Variants in ZFX observed in about 807,000 individuals in gnomAD.
The protein encoded by ZFX is zinc finger X-chromosomal protein.
For synonymous variants in ZFX, 196 were observed against 226.8 expected, an observed-to-expected ratio of 0.86 and a Z score of 1.22; for missense variants, 362 against 628.3, an observed-to-expected ratio of 0.58 and a Z score of 4.53.
intron 4 of ZFX, among the ~76,000 whole-genome samples, chrX:24,174,456 T>C (rs1236093592): frequency 9.6e-6 from 1 of 104,539 alleles, no homozygotes; most frequent in African/African-American, 3.5e-5. Context: ...TGCAGTGGCA[T>C]GATCTCGGCT....
chrX:24,157,540 T>A (rs1932861220), intron 3 of ZFX, among the ~76,000 whole-genome samples: 1 of 112,327 alleles, frequency 8.9e-6, no homozygotes, highest in African/African-American at 3.2e-5. Flanking sequence ...TGTGCATTGC[T>A]GTATTGTTAT....
In ZFX at chrX:24,212,770, A is replaced by AAACTT. The variant is rs1182014752; in HGVS notation, c.*1398_*1402dup. 12 of 112,955 alleles carry AAACTT rather than the reference A, an allele frequency of 1.1e-4. 1 individual carries two copies. The highest frequency in any genetic ancestry group is 2.8e-4 in the Admixed American group (3 of 10,647). The allele number at this position is 112,955 out of a possible 1,213,427, so 9.3% of individuals were successfully genotyped here. ...CTCAGTTACAGTTAGCAAACTTTAAAAACTTAACACTCAAGTTGGCTTTGA... is the reference window on the plus strand; with the variant it reads ...CTCAGTTACAGTTAGCAAACTTTAAAAACTTAACTTAACACTCAAGTTGGCTTTGA... On this transcript the variant is annotated 3_prime_UTR_variant, in exon 10 of 10. Coordinates refer to ENST00000304543, the MANE Select transcript of ZFX (RefSeq NM_003410.4).
chrX:24,156,575 T>C (rs1932797725), intron 3 of ZFX, among the ~76,000 whole-genome samples: 1 of 111,620 alleles, frequency 9.0e-6, no homozygotes, highest in Non-Finnish European at 1.9e-5. Flanking sequence ...TTCCCACATA[T>C]GTATCTGTTT....
chrX:24,213,762 G>T lies in ZFX; in HGVS notation c.*2386G>T, dbSNP rs769649604. Reference sequence around the variant, plus strand: ...CCTGCGATTCTTGAAAGCTCTGTCTGTTTTTTTGTGAGAACCTTTAAAATC... The same window carrying T: ...CCTGCGATTCTTGAAAGCTCTGTCTTTTTTTTTGTGAGAACCTTTAAAATC... On this transcript the variant is annotated 3_prime_UTR_variant, in exon 10 of 10. Coordinates refer to ENST00000304543, the MANE Select transcript of ZFX (RefSeq NM_003410.4). 1.0e-5 allele frequency: 1 copy of T among 99,558 alleles called. No homozygotes were observed. The highest frequency in any genetic ancestry group is 4.6e-4 in the South Asian group (1 of 2,182). 8.2% of individuals were successfully genotyped at this position (99,558 alleles called of 1,213,427 possible).
At chrX:24,163,434 A>G (rs1487715402) in intron 3 of ZFX, among the ~76,000 whole-genome samples, 17 of 81,325 alleles carry the variant, frequency 2.1e-4, no homozygotes, top group African/African-American at 7.5e-4. Flanking sequence ...CTGGAGTGCA[A>G]TGGCGCGATC....
At chrX:24,158,834 A>G in intron 3 of ZFX, among the ~76,000 whole-genome samples, 2 of 92,145 alleles carry the variant, frequency 2.2e-5, no homozygotes, top group Admixed American at 1.2e-4. Context: ...TTTTTAGTAG[A>G]GATAGGGTTT....
chrX:24,185,562 T>G (rs1458351905), intron 5 of ZFX, among the ~76,000 whole-genome samples: 3 of 111,393 alleles, frequency 2.7e-5, no homozygotes, highest in Non-Finnish European at 5.7e-5. Context: ...GTGATTCTCC[T>G]GCCTCAGCCT....
Position 24,212,141 on chromosome X carries a change from CACTT to C in ZFX, c.*769_*772del, listed in dbSNP as rs912292522. 7.1e-5 allele frequency: 8 copies of C among 112,325 alleles called. No individual in the cohort carries two copies. The highest frequency in any genetic ancestry group is 2.8e-4 in the East Asian group (1 of 3,593). 9.3% of individuals were successfully genotyped at this position (112,325 alleles called of 1,213,427 possible). The stretch of plus-strand genomic sequence containing the variant: ...TGGAATGGTTGTGTGCTACAAATGA[CACTT>C]ACTGAGGACTGCATTTTGGAATCTC... On this transcript the variant is annotated 3_prime_UTR_variant, in exon 10 of 10. Coordinates refer to ENST00000304543, the MANE Select transcript of ZFX (RefSeq NM_003410.4).
At chrX:24,208,839 A>G in intron 8 of ZFX, 61 bp from the exon 9 acceptor site, 1 of 1,084,618 alleles carries the variant, frequency 9.2e-7, no homozygotes, top group Non-Finnish European at 1.2e-6. Context: ...TTAATGAAGA[A>G]TTCCTAATTC....
intron 5 of ZFX, among the ~76,000 whole-genome samples, chrX:24,187,325 C>G (rs1324793983): frequency 2.7e-5 from 3 of 111,487 alleles, no homozygotes; most frequent in African/African-American, 9.8e-5. Flanking sequence ...CTCTCTGTGT[C>G]TCTCTCTCTG....
intron 3 of ZFX, among the ~76,000 whole-genome samples, chrX:24,158,620 G>A (rs1932937452): frequency 9.1e-6 from 1 of 110,475 alleles, no homozygotes; most frequent in African/African-American, 3.3e-5. Context: ...TTTGAGAGGG[G>A]GTGCTGATGA....
intron 3 of ZFX, among the ~76,000 whole-genome samples, chrX:24,159,157 A>AT (rs1056121133): frequency 1.2e-4 from 13 of 110,207 alleles, no homozygotes; most frequent in Non-Finnish European, 2.1e-4. Context: ...TGCTGGCCTG[A>AT]TTTTTTAATT....
At chrX:24,155,092 T>C (rs1365401889) in intron 3 of ZFX, among the ~76,000 whole-genome samples, 1 of 110,718 alleles carries the variant, frequency 9.0e-6, no homozygotes, top group Admixed American at 9.7e-5. Context: ...AGTTTACCCA[T>C]GTGACAAACC....
chrX:24,207,514 A>C, intron 6 of ZFX, 39 bp downstream of exon 6: 1 of 1,186,593 alleles, frequency 8.4e-7, no homozygotes, highest in Non-Finnish European at 1.1e-6. Context: ...TCCTCATCCA[A>C]ATGTTTCAGC....
intron 3 of ZFX, among the ~76,000 whole-genome samples, chrX:24,161,523 C>T (rs1237558834): frequency 1.8e-5 from 2 of 111,054 alleles, no homozygotes; most frequent in Non-Finnish European, 3.8e-5. Flanking sequence ...AATTAGTGGG[C>T]GCAAAGCCAG....
At chrX:24,189,734 A>G (rs901671610) in intron 5 of ZFX, among the ~76,000 whole-genome samples, 5 of 111,334 alleles carry the variant, frequency 4.5e-5, no homozygotes, top group African/African-American at 1.6e-4. Context: ...AAATAAATAC[A>G]TAAAGTCCAA....
At chrX:24,161,112 A>G (rs957774932) in intron 3 of ZFX, among the ~76,000 whole-genome samples, 25 of 112,302 alleles carry the variant, frequency 2.2e-4, no homozygotes, top group African/African-American at 8.1e-4. Context: ...ATCAAATTTG[A>G]AAACTAATAT....
rs763037885 is a variant in ZFX at position 24,179,583 on chromosome X, T to G, written c.459T>G (p.Val153=). Reference sequence around the variant, plus strand: ...GACATGTTGGACATGTTGGACATGTTGAACATGTGGTTCATGATAGTGTAG... The same window carrying G: ...GACATGTTGGACATGTTGGACATGTGGAACATGTGGTTCATGATAGTGTAG... ...DVGHVGHVGH[V]EHVVHDSVVE... Residue 153 remains valine (V), a synonymous_variant, in exon 5 of 10, where the codon GTT becomes GTG. Transcript: ENST00000304543. The G allele has an allele frequency of 8.3e-6, 10 of 1,210,622 alleles. No individual in the cohort carries two copies. The Admixed American group carries it at 2.2e-4, about 26-fold the overall frequency.
rs754719211 is a variant in ZFX, at chrX:24,210,848, C to T, written c.1890C>T (p.Ser630=). The T allele has an allele frequency of 8.3e-7, 1 of 1,211,514 alleles. No homozygotes were observed. Among genetic ancestry groups the T allele is most frequent in the South Asian group, 1.8e-5 (1 of 56,889 alleles). ...VQQHALIHQE[S]KTHQCLHCDH... is the part of the protein sequence containing the mutation. ...AACATGCTCTTATCCACCAAGAAAG[C>T]AAAACACACCAGTGTTTGCATTGCG... The change falls in exon 10 of 10, where the codon AGC becomes AGT. Residue 630 remains serine (S), a synonymous_variant. Coordinates refer to ENST00000304543, the MANE Select transcript of ZFX (RefSeq NM_003410.4).
Sources: gnomAD v4.1 joint callset for allele counts (sites outside exome capture counted in the v4.1 genomes callset) on GRCh38, gnomAD v4.1.1 for gene constraint, MANE v1.5 for transcripts, NCBI Gene and HGNC (gene_info 2026-07-23, HGNC 2026-07-21) for gene names.